TAFA1: variants seen among roughly 807,000 people sequenced by gnomAD.
The protein encoded by TAFA1 is TAFA chemokine like family member 1.
A neutral mutation model predicts 18.5 loss-of-function variants in TAFA1; 4 were observed. The observed-to-expected ratio is 0.22, with a 90% CI of 0.11 to 0.49. TAFA1 has a LOEUF of 0.49. TAFA1 is among the 20% of genes least tolerant of loss of function. TAFA1 has a pLI of 0.98. For missense variants in TAFA1, 147 were observed against 169.0 expected (o/e 0.87, Z 0.72); for synonymous variants, 56 against 55.2 (o/e 1.01, Z -0.06).
intron 2 of TAFA1, among the ~76,000 whole-genome samples, chr3:68,147,262 C>G (rs1334089139): frequency 6.6e-6 from 1 of 151,934 alleles, no homozygotes; most frequent in Non-Finnish European, 1.5e-5. Context: ...TTAACCACTC[C>G]AGGGCCAGGT....
chr3:68,247,098 G>A (rs2067096283), intron 2 of TAFA1, among the ~76,000 whole-genome samples: 1 of 151,952 alleles, frequency 6.6e-6, no homozygotes, highest in Non-Finnish European at 1.5e-5. Context: ...CTCCACCTAC[G>A]CTATATACTG....
chr3:68,538,719 T>C (rs1274585569), intron 3 of TAFA1, 37 bp from the exon 4 acceptor site: 1 of 1,609,824 alleles, frequency 6.2e-7, no homozygotes, highest in Admixed American at 1.7e-5. Flanking sequence ...GTTGTTTGGA[T>C]GAATTGCAAA....
intron 2 of TAFA1, among the ~76,000 whole-genome samples, chr3:68,353,458 A>G (rs1420833032): frequency 6.6e-6 from 1 of 152,096 alleles, no homozygotes; most frequent in Non-Finnish European, 1.5e-5. Flanking sequence ...GCACTCTAGT[A>G]GTAATTTTTA....
intron 2 of TAFA1, among the ~76,000 whole-genome samples, chr3:68,212,049 T>A (rs1342025606): frequency 6.6e-6 from 1 of 151,870 alleles, no homozygotes; most frequent in Non-Finnish European, 1.5e-5. Context: ...AGCATTGAGA[T>A]GGAAAATAAG....
At chr3:68,279,416 A>G (rs372210490) in intron 2 of TAFA1, among the ~76,000 whole-genome samples, 8 of 152,272 alleles carry the variant, frequency 5.3e-5, no homozygotes, top group African/African-American at 1.4e-4. Context: ...TCACCTAATT[A>G]TTAATCTTAT....
At chr3:68,141,114 C>T (rs2065662779) in intron 2 of TAFA1, among the ~76,000 whole-genome samples, 2 of 152,180 alleles carry the variant, frequency 1.3e-5, no homozygotes, top group Admixed American at 6.5e-5. Flanking sequence ...CCCCTTCTGG[C>T]ATTAATAACC....
At position 68,163,659 on chromosome 3, in the gene TAFA1, CT is replaced by C. The variant is rs556696257; in HGVS notation, c.118+156919del. On this transcript the variant is annotated intron_variant, in intron 2 of 4. Transcript: ENST00000478136. Reference sequence around the variant, plus strand: ...TTACTAGCTGTTTTGTTTGTATTCCCTTTTAAACTATGACATTTTTAAGGGT... The same window carrying C: ...TTACTAGCTGTTTTGTTTGTATTCCCTTTAAACTATGACATTTTTAAGGGT... Among the ~76,000 whole-genome samples, 133 of 152,280 alleles carry C rather than the reference CT, an allele frequency of 8.7e-4. No individual in the cohort carries two copies. In the Middle Eastern group the frequency reaches 0.014, roughly 16 times the overall value.
intron 3 of TAFA1, among the ~76,000 whole-genome samples, chr3:68,466,066 G>A (rs2071879969): frequency 6.6e-6 from 1 of 152,064 alleles, no homozygotes; most frequent in African/African-American, 2.4e-5. Flanking sequence ...TGAACTTGTT[G>A]CTAAATATTG....
intron 2 of TAFA1, among the ~76,000 whole-genome samples, chr3:68,146,024 T>C (rs2065736262): frequency 6.6e-6 from 1 of 152,198 alleles, no homozygotes; most frequent in Non-Finnish European, 1.5e-5. Context: ...TTTATCAGTT[T>C]TTTCCATAGA....
chr3:68,346,625 G>T (rs1208235510), intron 2 of TAFA1, among the ~76,000 whole-genome samples: 1 of 152,152 alleles, frequency 6.6e-6, no homozygotes, highest in Non-Finnish European at 1.5e-5. Flanking sequence ...GAGAATGACT[G>T]CTAACATTTT....
chr3:68,470,848 G>A (rs1448810687), intron 3 of TAFA1, among the ~76,000 whole-genome samples: 1 of 152,206 alleles, frequency 6.6e-6, no homozygotes. Flanking sequence ...ATTTGCATAA[G>A]TAACAAGGAG....
At chr3:68,093,964 A>C (rs991588558) in intron 2 of TAFA1, among the ~76,000 whole-genome samples, 6 of 151,882 alleles carry the variant, frequency 4.0e-5, no homozygotes, top group African/African-American at 1.5e-4. Context: ...ATTTACATAT[A>C]TTTTTCTCTT....
intron 2 of TAFA1, among the ~76,000 whole-genome samples, chr3:68,283,914 G>A (rs1454550589): frequency 1.3e-5 from 2 of 152,126 alleles, no homozygotes; most frequent in Non-Finnish European, 2.9e-5. Flanking sequence ...TTCACATCCC[G>A]TCAAGTTAAG....
chr3:68,153,279 G>C (rs571785411), intron 2 of TAFA1, among the ~76,000 whole-genome samples: 2 of 152,258 alleles, frequency 1.3e-5, no homozygotes, highest in South Asian at 2.1e-4. Flanking sequence ...CCAATTAGTG[G>C]AGTTAATAAA....
intron 2 of TAFA1, among the ~76,000 whole-genome samples, chr3:68,209,985 G>A (rs9882075): frequency 0.32 from 48,366 of 151,670 alleles, 8,133 homozygotes; most frequent in East Asian, 0.62. Context: ...GTTAAACATG[G>A]TCTGAAAGTG....
At chr3:68,306,107 A>C (rs1021087986) in intron 2 of TAFA1, among the ~76,000 whole-genome samples, 1 of 152,252 alleles carries the variant, frequency 6.6e-6, no homozygotes, top group African/African-American at 2.4e-5. Flanking sequence ...CTGTTATTGC[A>C]GAGAAAATAC....
chr3:68,045,933 C>T (rs1252210268), intron 2 of TAFA1, among the ~76,000 whole-genome samples: 1 of 152,130 alleles, frequency 6.6e-6, no homozygotes, highest in East Asian at 1.9e-4. Context: ...AAGTAGCATT[C>T]TAGTGATATT....
At chr3:68,259,549 T>C (rs1268014433) in intron 2 of TAFA1, among the ~76,000 whole-genome samples, 1 of 152,202 alleles carries the variant, frequency 6.6e-6, no homozygotes, top group African/African-American at 2.4e-5. Context: ...TTTCACGATA[T>C]TGATTATTCC....
At chr3:68,078,294 C>A (rs577875216) in intron 2 of TAFA1, among the ~76,000 whole-genome samples, 1 of 151,428 alleles carries the variant, frequency 6.6e-6, no homozygotes, top group Non-Finnish European at 1.5e-5. Flanking sequence ...TAATTGAATA[C>A]CCTTTATTTC....
Sources: gnomAD v4.1 joint callset for allele counts (sites outside exome capture counted in the v4.1 genomes callset) on GRCh38, gnomAD v4.1.1 for gene constraint, MANE v1.5 for transcripts, NCBI Gene and HGNC (gene_info 2026-07-23, HGNC 2026-07-21) for gene names.